The following SATB2 variants were observed in gnomAD, a reference collection of about 807,000 sequenced individuals.
The protein encoded by SATB2 is SATB homeobox 2, also known as DNA-binding protein SATB2.
In SATB2, 1 loss-of-function variant was observed where a neutral mutation model predicts 73.4. The ratio of observed to expected loss-of-function variants is 0.01; its 90% CI spans 0.00 to 0.06. The LOEUF is 0.06. Among genes scored for constraint, SATB2 ranks in the 10% least tolerant of loss-of-function variants. SATB2 has a pLI of 1.00. For missense variants in SATB2, 459 were observed against 945.8 expected (o/e 0.49, Z 6.75); for synonymous variants, 397 against 367.0 (o/e 1.08, Z -0.93).
intron 9 of SATB2, among the ~76,000 whole-genome samples, chr2:199,312,765 C>A (rs1039983785): frequency 6.6e-6 from 1 of 152,136 alleles, no homozygotes; most frequent in Non-Finnish European, 1.5e-5. Flanking sequence ...TGATGATATA[C>A]TGACACCACG....
At chr2:199,273,558 T>C (rs895335416) in intron 10 of SATB2, among the ~76,000 whole-genome samples, 1 of 152,228 alleles carries the variant, frequency 6.6e-6, no homozygotes, top group African/African-American at 2.4e-5. Context: ...AGTCTTTTGA[T>C]TTTAAATGTA....
intron 3 of SATB2, among the ~76,000 whole-genome samples, chr2:199,426,001 G>A (rs368178089): frequency 2.0e-5 from 3 of 152,162 alleles, no homozygotes; most frequent in African/African-American, 7.2e-5. Context: ...CAGCTCTAAT[G>A]AGGGCTGAGA....
At chr2:199,392,237 A>G (rs888662214) in intron 3 of SATB2, among the ~76,000 whole-genome samples, 1 of 152,150 alleles carries the variant, frequency 6.6e-6, no homozygotes, top group Non-Finnish European at 1.5e-5. Flanking sequence ...AGAAAAATCA[A>G]AATTCCCAGA....
chr2:199,284,387 T>C lies in SATB2; in HGVS notation c.1741-11715A>G, dbSNP rs1317922719. On this transcript the variant is annotated intron_variant, in intron 10 of 10. Coordinates refer to ENST00000417098, the MANE Select transcript of SATB2 (RefSeq NM_001172509.2). ...AATATAGTTTTAGATTCAATTCCACTTTGCAACTAACCATTAAGAAACTAC... is the reference window on the plus strand; with the variant it reads ...AATATAGTTTTAGATTCAATTCCACCTTGCAACTAACCATTAAGAAACTAC... Among the ~76,000 whole-genome samples the C allele has an allele frequency of 2.0e-5, 3 of 152,186 alleles. No individual in the cohort carries two copies. In the East Asian group the frequency reaches 5.8e-4, roughly 29 times the overall value.
intron 3 of SATB2, among the ~76,000 whole-genome samples, chr2:199,414,549 C>A (rs1690918384): frequency 6.6e-6 from 1 of 152,142 alleles, no homozygotes; most frequent in Admixed American, 6.5e-5. Flanking sequence ...TGCCAGCACT[C>A]TAATGACTTA....
At chr2:199,406,391 A>G (rs1270994841) in intron 3 of SATB2, among the ~76,000 whole-genome samples, 5 of 152,264 alleles carry the variant, frequency 3.3e-5, no homozygotes, top group South Asian at 2.1e-4. Context: ...TCCAAGCCCT[A>G]TATGTTAATA....
chr2:199,404,351 A>G (rs1046492125), intron 3 of SATB2, among the ~76,000 whole-genome samples: 1 of 152,274 alleles, frequency 6.6e-6, no homozygotes, highest in South Asian at 2.1e-4. Flanking sequence ...AAGAAAAAAC[A>G]TAAGTGGCAC....
intron 3 of SATB2, among the ~76,000 whole-genome samples, chr2:199,386,031 T>C (rs1233466818): frequency 1.3e-5 from 2 of 152,108 alleles, no homozygotes; most frequent in African/African-American, 4.8e-5. Flanking sequence ...TAAGGGACAA[T>C]AGATCCTTGT....
At chr2:199,351,221 G>A (rs1182959708) in intron 6 of SATB2, among the ~76,000 whole-genome samples, 2 of 150,208 alleles carry the variant, frequency 1.3e-5, no homozygotes, top group African/African-American at 2.5e-5. Context: ...TAGTGCAATG[G>A]CGCAATCTCA....
chr2:199,285,265 T>C (rs1413290755), intron 10 of SATB2, among the ~76,000 whole-genome samples: 1 of 152,060 alleles, frequency 6.6e-6, no homozygotes, highest in African/African-American at 2.4e-5. Context: ...GTCAAATCAC[T>C]TAGGAAAGCC....
At chr2:199,274,366 A>C (rs1692249376) in intron 10 of SATB2, among the ~76,000 whole-genome samples, 1 of 152,272 alleles carries the variant, frequency 6.6e-6, no homozygotes. Flanking sequence ...TTAAGAAAAA[A>C]AAAAATCTGT....
chr2:199,282,249 T>G (rs185881080), intron 10 of SATB2, among the ~76,000 whole-genome samples: 4 of 152,308 alleles, frequency 2.6e-5, no homozygotes, highest in Admixed American at 1.3e-4. Flanking sequence ...ATTACTTTTC[T>G]TGCTATTATT....
intron 6 of SATB2, among the ~76,000 whole-genome samples, chr2:199,365,073 A>G (rs967907705): frequency 1.3e-5 from 2 of 152,156 alleles, no homozygotes; most frequent in Non-Finnish European, 2.9e-5. Flanking sequence ...TAAATCCCTC[A>G]TAATCCCAAG....
chr2:199,409,360 G>C (rs1160938034), intron 3 of SATB2, among the ~76,000 whole-genome samples: 2 of 151,978 alleles, frequency 1.3e-5, no homozygotes, highest in Admixed American at 1.3e-4. Flanking sequence ...AGTAGAGACA[G>C]GGTTTCTCCA....
At chr2:199,411,932 G>C (rs1023818593) in intron 3 of SATB2, among the ~76,000 whole-genome samples, 2 of 152,206 alleles carry the variant, frequency 1.3e-5, no homozygotes, top group Non-Finnish European at 2.9e-5. Context: ...TGAATCTTAA[G>C]TTTCTCAGGT....
intron 10 of SATB2, among the ~76,000 whole-genome samples, chr2:199,286,873 T>C (rs1285896536): frequency 6.6e-6 from 1 of 152,154 alleles, no homozygotes; most frequent in Non-Finnish European, 1.5e-5. Context: ...ACTTGCTTCA[T>C]GGGTATAATT....
In SATB2 at chr2:199,455,111, T is replaced by A. The variant is rs1016541277; in HGVS notation, c.169+758A>T. ...ATTTCTCCCATATCTTTATTTTGTA[T>A]GATTGCTTTTCCTGACCACTTTAAA... On this transcript the variant is annotated intron_variant, in intron 2 of 10. Coordinates refer to ENST00000417098, the MANE Select transcript of SATB2 (RefSeq NM_001172509.2). The surrounding 1 kb of genome is among the most constrained non-coding windows in gnomAD (Gnocchi z 4.1). Among the ~76,000 whole-genome samples the A allele has an allele frequency of 3.3e-5, 5 of 152,260 alleles. No individual in the cohort carries two copies. Among genetic ancestry groups the A allele is most frequent in the Non-Finnish European group, 7.3e-5 (5 of 68,048 alleles).
At chr2:199,325,096 A>G (rs139029577) in intron 8 of SATB2, among the ~76,000 whole-genome samples, 175 of 152,232 alleles carry the variant, frequency 1.1e-3, no homozygotes, top group African/African-American at 4.0e-3. Flanking sequence ...ACGTTTCCAT[A>G]AAGGCTTTGC....
At chr2:199,287,597 A>C (rs1692727894) in intron 10 of SATB2, among the ~76,000 whole-genome samples, 1 of 152,016 alleles carries the variant, frequency 6.6e-6, no homozygotes, top group Non-Finnish European at 1.5e-5. Flanking sequence ...GGGGGGGGAG[A>C]TTATCTATGT....
Sources: gnomAD v4.1 joint callset for allele counts (sites outside exome capture counted in the v4.1 genomes callset) on GRCh38, gnomAD v4.1.1 for gene constraint, Gnocchi (gnomAD v3.1) non-coding constraint, MANE v1.5 for transcripts, NCBI Gene and HGNC (gene_info 2026-07-23, HGNC 2026-07-21) for gene names.